Variants in HNRNPLL observed in about 807,000 individuals in gnomAD.
HNRNPLL encodes the protein heterogeneous nuclear ribonucleoprotein L like, also known as heterogeneous nuclear ribonucleoprotein L-like.
In HNRNPLL, 25 loss-of-function variants were observed where a neutral mutation model predicts 67.1. The ratio of observed to expected loss-of-function variants is 0.37; its 90% confidence interval spans 0.27 to 0.52. The LOEUF is 0.52. Ranked by LOEUF, HNRNPLL falls within the 20% of genes least tolerant of loss-of-function variation. The pLI, the probability that HNRNPLL is intolerant of heterozygous loss-of-function variation, is 0.90. For missense variants in HNRNPLL, 542 were observed against 673.9 expected (o/e 0.80, Z 2.17); for synonymous variants, 267 against 241.7 (o/e 1.10, Z -0.97).
intron 1 of HNRNPLL, among the ~76,000 whole-genome samples, chr2:38,593,836 C>T (rs1227387051): frequency 3.4e-5 from 5 of 148,144 alleles, no homozygotes. Context: ...GCACTCCAGA[C>T]TGGGCGACGG....
intron 6 of HNRNPLL, chr2:38,577,992 CCAA>C (rs1348062850): frequency 4.2e-6 from 2 of 470,932 alleles, no homozygotes; most frequent in African/African-American, 2.0e-5. Context: ...TCAGCATAAG[CCAA>C]CAACAACCTG....
intron 1 of HNRNPLL, among the ~76,000 whole-genome samples, chr2:38,595,461 A>T (rs1452770446): frequency 6.6e-6 from 1 of 151,898 alleles, no homozygotes; most frequent in Admixed American, 6.6e-5. Flanking sequence ...CGATTTTTAA[A>T]TCTCTCAAAA....
intron 7 of HNRNPLL, 94 bp from the exon 8 acceptor site, chr2:38,573,521 T>C: frequency 1.3e-6 from 1 of 787,988 alleles, no homozygotes; most frequent in Non-Finnish European, 2.1e-6. Flanking sequence ...ACACAAAAAA[T>C]AAACTCTTAA....
chr2:38,566,821 TAA>T, intron 12 of HNRNPLL, among the ~76,000 whole-genome samples: 1 of 135,576 alleles, frequency 7.4e-6, no homozygotes. Context: ...TTGTCTCTAT[TAA>T]AAAAAAAAAA....
intron 3 of HNRNPLL, among the ~76,000 whole-genome samples, chr2:38,584,878 T>G (rs72905898): frequency 3.1e-3 from 465 of 152,114 alleles, no homozygotes; most frequent in African/African-American, 0.011. Flanking sequence ...CTACACTAGA[T>G]TAGTTACATG....
At position 38,565,004 on chromosome 2, in the gene HNRNPLL, A is replaced by G. The variant is rs544702097; in HGVS notation, c.1574-767T>C. ...TAAGTTTTGAAATTACTGAAAAAAA[A>G]AAAACAAACCAACTGGGTATACTTC... On this transcript the variant is annotated intron_variant, in intron 12 of 12. Transcript: ENST00000449105. 4.4e-4 allele frequency among the ~76,000 whole-genome samples: 67 copies of G among 151,338 alleles called. 4 individuals are homozygous for G. The East Asian group carries it at 0.013, about 29-fold the overall frequency.
At chr2:38,593,457 T>C (rs192350277) in intron 1 of HNRNPLL, among the ~76,000 whole-genome samples, 1 of 152,310 alleles carries the variant, frequency 6.6e-6, no homozygotes, top group Admixed American at 6.5e-5. Flanking sequence ...AAGAGAATCA[T>C]TTCAGTTCAT....
rs1026278583 is a variant in HNRNPLL at position 38,591,702 on chromosome 2, G to A, written c.190-54C>T. ...AAAAATTTTAAGTCTAAGGCCGAAC[G>A]CGGTGGCTCACGCCTGTAATCCCTG... On this transcript the variant is annotated intron_variant, in intron 1 of 12. Coordinates refer to ENST00000449105, the MANE Select transcript of HNRNPLL (RefSeq NM_138394.4). 1.0e-5 allele frequency: 12 copies of A among 1,176,794 alleles called. No individual in the cohort carries two copies. The African/African-American group carries it at 1.5e-4, about 15-fold the overall frequency. 72.9% of individuals were successfully genotyped at this position (1,176,794 alleles called of 1,614,324 possible). A position where few individuals can be genotyped will look rare whatever the true frequency, so the allele number is the denominator to read the frequency against.
intron 7 of HNRNPLL, among the ~76,000 whole-genome samples, chr2:38,575,842 T>G (rs1666280797): frequency 6.6e-6 from 1 of 151,714 alleles, no homozygotes; most frequent in African/African-American, 2.4e-5. Flanking sequence ...CATCTTTGCT[T>G]TTTCCCCTAT....
At chr2:38,597,200 A>G (rs886594866) in intron 1 of HNRNPLL, among the ~76,000 whole-genome samples, 1 of 152,126 alleles carries the variant, frequency 6.6e-6, no homozygotes, top group African/African-American at 2.4e-5. Context: ...CCTCATCCAC[A>G]TTTCCCTCTC....
intron 3 of HNRNPLL, among the ~76,000 whole-genome samples, chr2:38,584,876 GA>G (rs1573742818): frequency 1.3e-5 from 2 of 151,906 alleles, no homozygotes; most frequent in African/African-American, 4.8e-5. Flanking sequence ...ACCTACACTA[GA>G]TTAGTTACAT....
Position 38,563,495 on chromosome 2 carries a change from T to C in HNRNPLL, c.*687A>G, listed in dbSNP as rs954825024. 1 of 151,976 alleles carries C rather than the reference T, an allele frequency of 6.6e-6. No individual in the cohort carries two copies. Among genetic ancestry groups the C allele is most frequent in the Non-Finnish European group, 1.5e-5 (1 of 67,902 alleles). The allele number at this position is 151,976 out of a possible 1,614,324, so 9.4% of individuals were successfully genotyped here. A position where few individuals can be genotyped will look rare whatever the true frequency, so the allele number is the denominator to read the frequency against. ...TTAAGTCACATGCAACAAATGAAAA[T>C]GAACACATTAACTCATTGTTATAAC... is the stretch of plus-strand genomic sequence containing the variant. On this transcript the variant is annotated 3_prime_UTR_variant, in exon 13 of 13. Coordinates refer to ENST00000449105, the MANE Select transcript of HNRNPLL (RefSeq NM_138394.4).
rs1049907986 is a variant in HNRNPLL, at chr2:38,591,587, C to G, written c.251G>C (p.Cys84Ser). 5.6e-6 allele frequency: 9 copies of G among 1,613,926 alleles called. No homozygotes were observed. The highest frequency in any genetic ancestry group is 5.0e-5 in the Admixed American group (3 of 60,008). The change falls in exon 2 of 13, where the codon TGT becomes TCT. Residue 84 changes from cysteine to serine, a missense_variant. Transcript: ENST00000449105. ...VSPVVHVRGL[C>S]ESVVEADLVE... ...GAGGTCTGCTTCCACCACAGATTCACAGAGTCCTCGAACATGGACGACGGG... is the reference window on the plus strand; with the variant it reads ...GAGGTCTGCTTCCACCACAGATTCAGAGAGTCCTCGAACATGGACGACGGG...
chr2:38,568,425 C>G lies in HNRNPLL; in HGVS notation c.1435G>C (p.Val479Leu). 6.2e-7 allele frequency: 1 copy of G among 1,604,994 alleles called. No individual in the cohort carries two copies. Among genetic ancestry groups the G allele is most frequent in the Non-Finnish European group, 8.5e-7 (1 of 1,173,278 alleles). The part of the protein sequence containing the change: ...TFTKLCNDHE[V>L]LTFIKYKVFD... ...ACTTTATATTTGATGAATGTAAGAA[C>G]TTCATGGTCATTACACAACTGTCAA... The change falls in exon 11 of 13, where the codon GTT (valine) becomes CTT (leucine). Residue 479 changes from valine to leucine, a missense_variant. Physicochemically the swap from Val to Leu is conservative, Grantham distance 32. Coordinates refer to ENST00000449105, the MANE Select transcript of HNRNPLL (RefSeq NM_138394.4).
intron 1 of HNRNPLL, among the ~76,000 whole-genome samples, chr2:38,594,153 C>T (rs1258271223): frequency 1.3e-5 from 2 of 151,778 alleles, no homozygotes; most frequent in Non-Finnish European, 2.9e-5. Flanking sequence ...CCAGCCTGGG[C>T]GACAGAACAA....
At chr2:38,592,654 G>GT (rs1266059430) in intron 1 of HNRNPLL, among the ~76,000 whole-genome samples, 2 of 152,174 alleles carry the variant, frequency 1.3e-5, no homozygotes, top group Non-Finnish European at 2.9e-5. Context: ...TTTAAACGTA[G>GT]TATCTGTACG....
At chr2:38,590,355 T>C (rs1290683489) in intron 2 of HNRNPLL, among the ~76,000 whole-genome samples, 1 of 152,206 alleles carries the variant, frequency 6.6e-6, no homozygotes, top group Non-Finnish European at 1.5e-5. Flanking sequence ...AACATGAATT[T>C]TTATAAAATT....
Position 38,602,581 on chromosome 2 carries a change from G to A in HNRNPLL, c.46C>T (p.Arg16Trp), listed in dbSNP as rs763140437. 1.9e-6 allele frequency: 3 copies of A among 1,573,804 alleles called. No individual in the cohort carries two copies. The highest frequency in any genetic ancestry group is 1.2e-5 in the South Asian group (1 of 85,574). ...CGCTTGGCCTGGCTCTCGTACTCCC[G>A]GTCCTCCTCGTACGTCTCCCTGGGG... ...SSPRETYEED[R>W]EYESQAKRLK... The change falls in exon 1 of 13, where the codon CGG becomes TGG. Residue 16 changes from arginine to tryptophan, a missense_variant. Physicochemically the swap from Arg to Trp is moderately radical, Grantham distance 101. Transcript: ENST00000449105.
intron 8 of HNRNPLL, 55 bp from the exon 9 acceptor site, chr2:38,569,980 GAA>G (rs1666006630): frequency 7.4e-7 from 1 of 1,344,620 alleles, no homozygotes; most frequent in African/African-American, 1.5e-5. Context: ...TACAGTAAAA[GAA>G]ATTTTAAAAC....
Sources: gnomAD v4.1 joint callset for allele counts (sites outside exome capture counted in the v4.1 genomes callset) on GRCh38, gnomAD v4.1.1 for gene constraint, MANE v1.5 for transcripts, NCBI Gene and HGNC (gene_info 2026-07-23, HGNC 2026-07-21) for gene names.